The following SKAP1 variants were observed in gnomAD, a reference collection of about 807,000 sequenced individuals.
SKAP1 encodes the protein src kinase associated phosphoprotein 1, also known as src kinase-associated phosphoprotein 1.
In SKAP1, 44 loss-of-function variants were observed where a neutral mutation model predicts 58.5. That is an observed-to-expected ratio of 0.75 (90% CI 0.59 to 0.97). The LOEUF (loss-of-function observed/expected upper bound fraction) is 0.97, where lower values mean the gene tolerates loss of function less well. Ranked by LOEUF, SKAP1 falls within the 50% of genes least tolerant of loss-of-function variation. The probability of loss-of-function intolerance (pLI) is 0.00; values close to 1 mark genes in which losing one functional copy is unlikely to be tolerated. For missense variants in SKAP1, 390 were observed against 435.2 expected, an observed-to-expected ratio of 0.90 and a Z score of 0.92; for synonymous variants, 127 against 149.7, an observed-to-expected ratio of 0.85 and a Z score of 1.11.
rs1440793501 is a variant in SKAP1, at chr17:48,371,836, CA to C, written c.153-8023del. On this transcript the variant is annotated intron_variant, in intron 2 of 12. Transcript: ENST00000336915. ...TGGGTAACACAGCAAGACCCTGTCT[CA>C]AAAAAAAAAAGAAAAGAAAAAGAAA... Among the ~76,000 whole-genome samples, 657 of 119,228 alleles carry C rather than the reference CA, an allele frequency of 5.5e-3. 2 individuals are homozygous for C. The highest frequency in any genetic ancestry group is 9.8e-3 in the Admixed American group (112 of 11,440). 78.2% of individuals were successfully genotyped at this position (119,228 alleles called of 152,430 possible). A position where few individuals can be genotyped will look rare whatever the true frequency, so the allele number is the denominator to read the frequency against.
At chr17:48,280,810 C>A (rs1029478224) in intron 4 of SKAP1, among the ~76,000 whole-genome samples, 8 of 152,134 alleles carry the variant, frequency 5.3e-5, no homozygotes, top group Non-Finnish European at 7.4e-5. Context: ...TAGCATAAAA[C>A]CTTTAAGATT....
chr17:48,258,349 A>G (rs1428705800), intron 4 of SKAP1, among the ~76,000 whole-genome samples: 1 of 152,172 alleles, frequency 6.6e-6, no homozygotes, highest in Admixed American at 6.6e-5. Flanking sequence ...CCTGGTTTCT[A>G]TATTATGTGA....
intron 2 of SKAP1, among the ~76,000 whole-genome samples, chr17:48,367,036 G>A (rs927475324): frequency 6.6e-6 from 1 of 152,144 alleles, no homozygotes; most frequent in Non-Finnish European, 1.5e-5. Flanking sequence ...CCACTTCTGT[G>A]TCTCCCTGTC....
chr17:48,341,658 A>T, intron 4 of SKAP1, among the ~76,000 whole-genome samples: 1 of 152,166 alleles, frequency 6.6e-6, no homozygotes, highest in South Asian at 2.1e-4. Flanking sequence ...AATAAAATCA[A>T]TCAACAACAG....
chr17:48,217,269 C>T (rs1752856413), intron 4 of SKAP1, among the ~76,000 whole-genome samples: 2 of 152,112 alleles, frequency 1.3e-5, no homozygotes, highest in South Asian at 4.2e-4. Context: ...GACCTGCCCT[C>T]TCAGTGGTCT....
At chr17:48,350,185 A>C (rs914331265) in intron 3 of SKAP1, among the ~76,000 whole-genome samples, 7 of 152,094 alleles carry the variant, frequency 4.6e-5, no homozygotes, top group Admixed American at 4.6e-4. Flanking sequence ...ATGAGAAAGA[A>C]ATTTAAAAAG....
At chr17:48,391,096 C>CT (rs1402791380) in intron 2 of SKAP1, among the ~76,000 whole-genome samples, 2 of 151,846 alleles carry the variant, frequency 1.3e-5, no homozygotes, top group East Asian at 1.9e-4. Context: ...AACTAACTAA[C>CT]AACAACAACA....
At chr17:48,351,940 T>A (rs2066807383) in intron 3 of SKAP1, among the ~76,000 whole-genome samples, 1 of 152,108 alleles carries the variant, frequency 6.6e-6, no homozygotes, top group Admixed American at 6.5e-5. Context: ...GGGAGCTAAT[T>A]GAAAAGTTCT....
intron 11 of SKAP1, among the ~76,000 whole-genome samples, chr17:48,144,658 C>A (rs1191752659): frequency 1.3e-5 from 2 of 152,160 alleles, no homozygotes; most frequent in African/African-American, 4.8e-5. Flanking sequence ...CAGGCAGACC[C>A]CAGCTCTGAA....
chr17:48,426,653 T>G (rs1307650754), intron 1 of SKAP1, among the ~76,000 whole-genome samples: 1 of 152,214 alleles, frequency 6.6e-6, no homozygotes, highest in Non-Finnish European at 1.5e-5. Context: ...AAAACAGACC[T>G]GAATATTTCC....
intron 11 of SKAP1, among the ~76,000 whole-genome samples, chr17:48,162,156 G>C (rs550169974): frequency 6.6e-6 from 1 of 152,236 alleles, no homozygotes; most frequent in Admixed American, 6.5e-5. Flanking sequence ...AGTAGAGACT[G>C]GGTTTCAGCA....
chr17:48,353,064 TGACA>T (rs35757486), intron 3 of SKAP1, among the ~76,000 whole-genome samples: 4,470 of 152,296 alleles, frequency 0.029, 241 homozygotes, highest in African/African-American at 0.1. Context: ...AGAGTAGAAC[TGACA>T]GACAAAACAA....
chr17:48,394,015 T>C (rs2067383565), intron 2 of SKAP1, among the ~76,000 whole-genome samples: 1 of 152,110 alleles, frequency 6.6e-6, no homozygotes, highest in African/African-American at 2.4e-5. Context: ...ACAGGAGAAC[T>C]GCTTGAGTGC....
At chr17:48,286,898 C>T (rs1236044362) in intron 4 of SKAP1, among the ~76,000 whole-genome samples, 2 of 152,130 alleles carry the variant, frequency 1.3e-5, no homozygotes, top group African/African-American at 4.8e-5. Flanking sequence ...GAGGTCGAGA[C>T]CAGCCTGGCC....
At chr17:48,204,197 C>T (rs1487656968) in intron 4 of SKAP1, 5 of 151,280 alleles carry the variant, frequency 3.3e-5, no homozygotes, top group Non-Finnish European at 4.4e-5. Flanking sequence ...CGCGCTCAAA[C>T]GATTCTCCTG....
intron 2 of SKAP1, among the ~76,000 whole-genome samples, chr17:48,379,669 A>G (rs2067190782): frequency 6.6e-6 from 1 of 150,412 alleles, no homozygotes; most frequent in Non-Finnish European, 1.5e-5. Context: ...ATTCTATACT[A>G]AAGTATCTTC....
intron 2 of SKAP1, among the ~76,000 whole-genome samples, chr17:48,387,493 C>T (rs1440757352): frequency 6.6e-6 from 1 of 152,170 alleles, no homozygotes; most frequent in Non-Finnish European, 1.5e-5. Flanking sequence ...CTTCATGTCT[C>T]CTGTACATTT....
chr17:48,176,370 C>T (rs748401901), intron 9 of SKAP1, among the ~76,000 whole-genome samples: 10 of 152,164 alleles, frequency 6.6e-5, no homozygotes, highest in East Asian at 1.9e-4. Context: ...TCAGACAAAG[C>T]GAAACCTGAC....
chr17:48,275,080 T>C (rs2065682007), intron 4 of SKAP1, among the ~76,000 whole-genome samples: 1 of 152,346 alleles, frequency 6.6e-6, no homozygotes, highest in South Asian at 2.1e-4. Flanking sequence ...TTCAAATCCC[T>C]GTGGCTGTTT....
Sources: gnomAD v4.1 joint callset for allele counts (sites outside exome capture counted in the v4.1 genomes callset) on GRCh38, gnomAD v4.1.1 for gene constraint, MANE v1.5 for transcripts, NCBI Gene and HGNC (gene_info 2026-07-23, HGNC 2026-07-21) for gene names.